The following NAA15 variants were observed in gnomAD, a reference collection of about 807,000 sequenced individuals.
NAA15 encodes N-terminal acetyltransferase.
Under a neutral mutation model 114.0 loss-of-function variants are expected in NAA15, and 34 were observed. The observed-to-expected ratio is 0.30, with a 90% CI of 0.23 to 0.40. NAA15 has a LOEUF of 0.40. NAA15 is among the 10% of genes least tolerant of loss of function. The pLI is 1.00. For missense variants in NAA15, 658 were observed against 1,004.5 expected (o/e 0.66, Z 4.66); for synonymous variants, 340 against 338.0 (o/e 1.01, Z -0.06).
chr4:139,326,255 A>G (rs1164045741), intron 1 of NAA15, among the ~76,000 whole-genome samples: 1 of 152,162 alleles, frequency 6.6e-6, no homozygotes, highest in Non-Finnish European at 1.5e-5. Flanking sequence ...ATCACTTAAT[A>G]GCAGTGTGAC....
chr4:139,363,856 T>A (rs1022584392), intron 14 of NAA15, among the ~76,000 whole-genome samples: 4 of 152,226 alleles, frequency 2.6e-5, no homozygotes, highest in Non-Finnish European at 5.9e-5. Flanking sequence ...ATATCTAGTT[T>A]ACAATTAATA....
rs192020012 is a variant in NAA15 at position 139,314,445 on chromosome 4, G to A, written c.54+12614G>A. 2.3e-4 allele frequency among the ~76,000 whole-genome samples: 35 copies of A among 152,024 alleles called. 1 individual carries two copies. Among genetic ancestry groups the A allele is most frequent in the Admixed American group, 2.0e-3 (31 of 15,268 alleles). On this transcript the variant is annotated intron_variant, in intron 1 of 19. Transcript: ENST00000296543. ...ATGAATTGTGTTGGAGCCAATGTGT[G>A]TTTTCAAAACAAGCAATGTAACAGA...
intron 1 of NAA15, among the ~76,000 whole-genome samples, chr4:139,328,899 C>T (rs1746899707): frequency 7.2e-6 from 1 of 139,104 alleles, no homozygotes; most frequent in African/African-American, 2.7e-5. Flanking sequence ...GAGTCTTGCT[C>T]TGTTGTCCAG....
At chr4:139,321,471 G>GTTTT (rs909254599) in intron 1 of NAA15, among the ~76,000 whole-genome samples, 3 of 113,234 alleles carry the variant, frequency 2.6e-5, no homozygotes, top group South Asian at 3.0e-4. Flanking sequence ...GCCCTTATTT[G>GTTTT]TTTTTTTTTT....
intron 11 of NAA15, among the ~76,000 whole-genome samples, chr4:139,359,366 A>G: frequency 6.6e-6 from 1 of 152,044 alleles, no homozygotes; most frequent in Non-Finnish European, 1.5e-5. Flanking sequence ...GATCTCAGTG[A>G]TCCACCCGGC....
intron 19 of NAA15, 130 bp from the exon 20 acceptor site, chr4:139,387,754 C>T: frequency 8.7e-6 from 6 of 691,596 alleles, no homozygotes; most frequent in Non-Finnish European, 1.5e-5. Flanking sequence ...AATGCATATG[C>T]AGGAGTAAAT....
chr4:139,362,465 G>A (rs1240837372), intron 14 of NAA15, among the ~76,000 whole-genome samples: 1 of 152,082 alleles, frequency 6.6e-6, no homozygotes, highest in Non-Finnish European at 1.5e-5. Context: ...TGGAGACGGG[G>A]TTTCACCATG....
chr4:139,344,841 T>C (rs1327337558), intron 6 of NAA15, among the ~76,000 whole-genome samples: 2 of 152,184 alleles, frequency 1.3e-5, no homozygotes, highest in Non-Finnish European at 2.9e-5. Flanking sequence ...ATATGAGTTC[T>C]GGAAGAAAGG....
intron 1 of NAA15, 194 bp downstream of exon 1, chr4:139,302,025 G>C: frequency 2.0e-6 from 1 of 507,758 alleles, no homozygotes. Flanking sequence ...GGGACCACAG[G>C]CTTCTTCATT....
rs773285130 is a variant in NAA15, at chr4:139,315,006, T to TTTAGTTTAGGTTAGTTTAGG, written c.54+13179_54+13180insTTTAGGTTAGTTTAGGTTAG. 2.8e-4 allele frequency among the ~76,000 whole-genome samples: 28 copies of TTTAGTTTAGGTTAGTTTAGG among 101,528 alleles called. 2 individuals are homozygous for TTTAGTTTAGGTTAGTTTAGG. The highest frequency in any genetic ancestry group is 1.9e-4 in the Admixed American group (2 of 10,724). The allele number at this position is 101,528 out of a possible 152,430, so 66.6% of individuals were successfully genotyped here. ...AAGCGTTCAGTTCAGTTCAGTTTAG[T>TTTAGTTTAGGTTAGTTTAGG]TTAGGTTAGGTTAGGTTAGGTTAGG... On this transcript the variant is annotated intron_variant, in intron 1 of 19. Transcript: ENST00000296543.
intron 1 of NAA15, among the ~76,000 whole-genome samples, chr4:139,328,282 C>G (rs1178432119): frequency 6.6e-6 from 1 of 152,140 alleles, no homozygotes; most frequent in Non-Finnish European, 1.5e-5. Flanking sequence ...TCTTGGCTAA[C>G]TTCAATCTCC....
chr4:139,352,701 C>G (rs1351771033), intron 9 of NAA15, among the ~76,000 whole-genome samples: 3 of 122,354 alleles, frequency 2.5e-5, no homozygotes, highest in African/African-American at 9.7e-5. Context: ...GAGTTTCACT[C>G]TTGTCGCCCA....
At chr4:139,329,893 T>G (rs950946896) in intron 1 of NAA15, among the ~76,000 whole-genome samples, 1 of 152,184 alleles carries the variant, frequency 6.6e-6, no homozygotes, top group East Asian at 1.9e-4. Context: ...CTTGGGATCC[T>G]TCTTCCTGTG....
intron 6 of NAA15, among the ~76,000 whole-genome samples, chr4:139,346,642 C>T (rs1289817197): frequency 1.3e-5 from 2 of 152,062 alleles, no homozygotes; most frequent in African/African-American, 4.8e-5. Flanking sequence ...CCTCCACCTC[C>T]CGGGTTCAAG....
chr4:139,360,151 G>A (rs1457784545), intron 12 of NAA15, among the ~76,000 whole-genome samples: 2 of 152,014 alleles, frequency 1.3e-5, no homozygotes, highest in African/African-American at 4.8e-5. Context: ...AGGGGTCAAG[G>A]GAACTAAAAT....
intron 6 of NAA15, among the ~76,000 whole-genome samples, chr4:139,347,037 G>A (rs191549125): frequency 6.6e-6 from 1 of 150,718 alleles, no homozygotes; most frequent in East Asian, 2.0e-4. Context: ...CCCACCCCCA[G>A]CCTCCCACTA....
At chr4:139,351,330 T>C (rs751693020) in intron 8 of NAA15, 44 bp downstream of exon 8, 1 of 1,388,146 alleles carries the variant, frequency 7.2e-7, no homozygotes, top group Non-Finnish European at 1.0e-6. Context: ...CTTTTATGAT[T>C]TAAAGTTTCT....
At chr4:139,305,955 A>G (rs1745997050) in intron 1 of NAA15, among the ~76,000 whole-genome samples, 1 of 152,108 alleles carries the variant, frequency 6.6e-6, no homozygotes, top group African/African-American at 2.4e-5. Context: ...ATTTCAAAAT[A>G]AACATTTTTT....
At chr4:139,370,160 T>G in intron 14 of NAA15, 51 bp from the exon 15 acceptor site, 2 of 1,322,738 alleles carry the variant, frequency 1.5e-6, no homozygotes, top group Non-Finnish European at 2.0e-6. Flanking sequence ...TTAAAATTAC[T>G]AATCTGATTA....
Sources: allele counts gnomAD v4.1 joint callset (sites outside exome capture counted in the v4.1 genomes callset), GRCh38; gene constraint gnomAD v4.1.1; transcripts MANE v1.5; gene names NCBI Gene and HGNC (gene_info 2026-07-23, HGNC 2026-07-21).